DAAM1: variants seen among roughly 807,000 people sequenced by gnomAD.
DAAM1 encodes dishevelled associated activator of morphogenesis 1.
Under a neutral mutation model 130.0 loss-of-function variants are expected in DAAM1, and 52 were observed. The ratio of observed to expected loss-of-function variants is 0.40; its 90% CI spans 0.32 to 0.50. The LOEUF (loss-of-function observed/expected upper bound fraction) is 0.50, where lower values mean the gene tolerates loss of function less well. Among genes scored for constraint, DAAM1 ranks in the 20% least tolerant of loss-of-function variants. The pLI, the probability that DAAM1 is intolerant of heterozygous loss-of-function variation, is 0.61. For missense variants in DAAM1, 1,134 were observed against 1,303.8 expected (o/e 0.87, Z 2.01); for synonymous variants, 452 against 444.5 (o/e 1.02, Z -0.21).
chr14:59,322,690 GT>G (rs972582542), intron 5 of DAAM1, among the ~76,000 whole-genome samples: 23 of 151,910 alleles, frequency 1.5e-4, no homozygotes, highest in African/African-American at 5.3e-4. Context: ...AAATGGAGGG[GT>G]TTTTTTTCAC....
At chr14:59,231,557 ACGTTGG>A (rs1383141163) in intron 1 of DAAM1, among the ~76,000 whole-genome samples, 3 of 152,148 alleles carry the variant, frequency 2.0e-5, no homozygotes, top group African/African-American at 7.2e-5. Context: ...AGTGATTAAG[ACGTTGG>A]CTCTAGAGTC....
At chr14:59,234,783 T>C (rs1889236875) in intron 1 of DAAM1, among the ~76,000 whole-genome samples, 1 of 152,196 alleles carries the variant, frequency 6.6e-6, no homozygotes, top group Admixed American at 6.5e-5. Flanking sequence ...GCTGTTGTTA[T>C]TTTGAGATGT....
intron 1 of DAAM1, among the ~76,000 whole-genome samples, chr14:59,202,718 C>A (rs192702407): frequency 6.6e-6 from 1 of 152,168 alleles, no homozygotes; most frequent in South Asian, 2.1e-4. Context: ...ATGCTCTTTG[C>A]GTTCCCTGGC....
chr14:59,255,380 A>T (rs1442186490), intron 1 of DAAM1, among the ~76,000 whole-genome samples: 1 of 152,110 alleles, frequency 6.6e-6, no homozygotes, highest in Non-Finnish European at 1.5e-5. Context: ...TTTAGACTAT[A>T]TCCCGTGATT....
intron 2 of DAAM1, among the ~76,000 whole-genome samples, chr14:59,266,615 G>A (rs1882453980): frequency 6.6e-6 from 1 of 152,216 alleles, no homozygotes; most frequent in South Asian, 2.1e-4. Flanking sequence ...ATCTGTCCTG[G>A]TAAGTGAAGG....
At chr14:59,277,210 T>C (rs1883008327) in intron 2 of DAAM1, among the ~76,000 whole-genome samples, 1 of 152,204 alleles carries the variant, frequency 6.6e-6, no homozygotes, top group Non-Finnish European at 1.5e-5. Context: ...AAGACCCTTA[T>C]TGTATATTAT....
intron 3 of DAAM1, among the ~76,000 whole-genome samples, chr14:59,309,103 G>T (rs1011961180): frequency 1.3e-5 from 2 of 152,202 alleles, no homozygotes; most frequent in Admixed American, 6.5e-5. Flanking sequence ...ACCACCAGGG[G>T]TTAAAGTTAG....
intron 3 of DAAM1, among the ~76,000 whole-genome samples, chr14:59,313,626 A>G (rs955570311): frequency 1.3e-5 from 2 of 152,120 alleles, no homozygotes; most frequent in Admixed American, 1.3e-4. Flanking sequence ...GAGATCTGGC[A>G]CCTTCTGCTT....
intron 1 of DAAM1, among the ~76,000 whole-genome samples, chr14:59,256,078 C>T (rs1881869909): frequency 6.6e-6 from 1 of 152,086 alleles, no homozygotes; most frequent in Non-Finnish European, 1.5e-5. Flanking sequence ...AAATGTGTGG[C>T]AGAAGTCCTG....
At chr14:59,334,817 T>C (rs1292597869) in intron 15 of DAAM1, among the ~76,000 whole-genome samples, 1 of 152,190 alleles carries the variant, frequency 6.6e-6, no homozygotes, top group Admixed American at 6.5e-5. Context: ...GATGAAAATG[T>C]GTTAAATTTT....
At chr14:59,359,629 A>G in intron 21 of DAAM1, 125 bp downstream of exon 21, 1 of 667,334 alleles carries the variant, frequency 1.5e-6, no homozygotes, top group Non-Finnish European at 2.6e-6. Flanking sequence ...TATGAAATAA[A>G]GTTTGAATCT....
intron 16 of DAAM1, among the ~76,000 whole-genome samples, chr14:59,341,595 A>G (rs1027085990): frequency 6.6e-6 from 1 of 152,214 alleles, no homozygotes. Flanking sequence ...CTAGGTATGT[A>G]TGTATAGACA....
chr14:59,201,791 C>G (rs529142420), intron 1 of DAAM1, among the ~76,000 whole-genome samples: 1 of 130,240 alleles, frequency 7.7e-6, no homozygotes, highest in Non-Finnish European at 1.6e-5. Flanking sequence ...GAGATACTGT[C>G]TCAAAAAAAA....
chr14:59,269,923 C>T lies in DAAM1; in HGVS notation c.183+6263C>T, dbSNP rs113504584. Reference sequence around the variant, plus strand: ...TAGAGGGATTGGAGATTCTGAGAGACGAGCCTGGGAAAGGTATGTTTGGGA... The same window carrying T: ...TAGAGGGATTGGAGATTCTGAGAGATGAGCCTGGGAAAGGTATGTTTGGGA... On this transcript the variant is annotated intron_variant, in intron 2 of 24. Coordinates refer to ENST00000360909, the MANE Select transcript of DAAM1 (RefSeq NM_001270520.2). Among the ~76,000 whole-genome samples the T allele has an allele frequency of 1.5e-3, 223 of 152,172 alleles. 1 individual carries two copies. Among genetic ancestry groups the T allele is most frequent in the African/African-American group, 5.0e-3 (207 of 41,508 alleles).
At chr14:59,279,137 A>C (rs1883103178) in intron 2 of DAAM1, among the ~76,000 whole-genome samples, 1 of 152,118 alleles carries the variant, frequency 6.6e-6, no homozygotes, top group South Asian at 2.1e-4. Context: ...AAATGTTTAT[A>C]GTTGTTAACC....
intron 1 of DAAM1, among the ~76,000 whole-genome samples, chr14:59,196,729 C>T (rs545255109): frequency 6.6e-6 from 1 of 151,368 alleles, no homozygotes; most frequent in Non-Finnish European, 1.5e-5. Context: ...GGTGACAGAG[C>T]GAGATTCTGT....
intron 2 of DAAM1, among the ~76,000 whole-genome samples, chr14:59,288,886 A>C (rs1014331578): frequency 2.0e-5 from 3 of 148,046 alleles, no homozygotes; most frequent in Non-Finnish European, 4.4e-5. Context: ...AGTACCACAC[A>C]CTGTTGTTGT....
chr14:59,229,316 T>A (rs1252982), intron 1 of DAAM1, among the ~76,000 whole-genome samples: 1 of 152,110 alleles, frequency 6.6e-6, no homozygotes, highest in African/African-American at 2.4e-5. Flanking sequence ...TTGTTACCTC[T>A]TTAGTCCTAA....
intron 17 of DAAM1, among the ~76,000 whole-genome samples, chr14:59,348,639 T>TG (rs1886171885): frequency 6.6e-6 from 1 of 152,220 alleles, no homozygotes; most frequent in Non-Finnish European, 1.5e-5. Context: ...AACTCCAGGT[T>TG]GCATCTGTAG....
Sources: gnomAD v4.1 joint callset for allele counts (sites outside exome capture counted in the v4.1 genomes callset) on GRCh38, gnomAD v4.1.1 for gene constraint, MANE v1.5 for transcripts, NCBI Gene and HGNC (gene_info 2026-07-23, HGNC 2026-07-21) for gene names.